MARCHF4: variants seen among roughly 807,000 people sequenced by gnomAD.
The protein encoded by MARCHF4 is membrane associated ring-CH-type finger 4.
In MARCHF4, 14 loss-of-function variants were observed where a neutral mutation model predicts 43.9. The ratio of observed to expected loss-of-function variants is 0.32; its 90% CI spans 0.21 to 0.50. The LOEUF (loss-of-function observed/expected upper bound fraction) is 0.50, where lower values mean the gene tolerates loss of function less well. Ranked by LOEUF, MARCHF4 falls within the 20% of genes least tolerant of loss-of-function variation. MARCHF4 has a pLI of 0.98. For missense variants in MARCHF4, 468 were observed against 536.7 expected, an observed-to-expected ratio of 0.87 and a Z score of 1.27; for synonymous variants, 226 against 213.3, an observed-to-expected ratio of 1.06 and a Z score of -0.52.
intron 1 of MARCHF4, among the ~76,000 whole-genome samples, chr2:216,354,907 C>CTTTCTTTCTTTG (rs1692462773): frequency 1.5e-5 from 1 of 68,186 alleles, no homozygotes; most frequent in South Asian, 6.5e-4. Flanking sequence ...TTCTTTCTTT[C>CTTTCTTTCTTTG]TTTCTTTCTT....
At chr2:216,264,405 C>T (rs529902102) in intron 3 of MARCHF4, among the ~76,000 whole-genome samples, 2 of 152,184 alleles carry the variant, frequency 1.3e-5, no homozygotes, top group Non-Finnish European at 2.9e-5. Flanking sequence ...ACTCTCTCAC[C>T]CTCTCCCAGT....
intron 2 of MARCHF4, among the ~76,000 whole-genome samples, chr2:216,281,450 G>A (rs1372720463): frequency 6.6e-6 from 1 of 152,182 alleles, no homozygotes; most frequent in Non-Finnish European, 1.5e-5. Flanking sequence ...TGATAGCAGA[G>A]GCAGGCCTGG....
intron 2 of MARCHF4, 73 bp from the exon 3 acceptor site, chr2:216,277,937 C>T (rs1039034151): frequency 8.7e-6 from 12 of 1,379,370 alleles, no homozygotes; most frequent in Non-Finnish European, 1.1e-5. Context: ...CTTCTGTCTG[C>T]TGCTCCAACA....
At chr2:216,259,714 A>C in intron 3 of MARCHF4, 35 bp from the exon 4 acceptor site, 3 of 1,598,200 alleles carry the variant, frequency 1.9e-6, no homozygotes, top group Non-Finnish European at 2.6e-6. Context: ...CAGAGGCCAA[A>C]TGAGAGGAAG....
At chr2:216,278,293 G>A (rs1392204102) in intron 2 of MARCHF4, among the ~76,000 whole-genome samples, 1 of 152,056 alleles carries the variant, frequency 6.6e-6, no homozygotes, top group Admixed American at 6.6e-5. Flanking sequence ...GCACGATCTC[G>A]GCTCATTGCA....
chr2:216,349,615 G>A (rs1692367577), intron 1 of MARCHF4, among the ~76,000 whole-genome samples: 1 of 152,196 alleles, frequency 6.6e-6, no homozygotes, highest in African/African-American at 2.4e-5. Context: ...GCTAGGGCTT[G>A]GAGGAGGCTG....
chr2:216,278,432 A>G (rs447120), intron 2 of MARCHF4, among the ~76,000 whole-genome samples: 3,894 of 152,112 alleles, frequency 0.026, 142 homozygotes, highest in African/African-American at 0.089. Context: ...TCACTGTGTT[A>G]GCCAGGATGG....
intron 1 of MARCHF4, among the ~76,000 whole-genome samples, chr2:216,309,835 A>G (rs1553517474): frequency 6.6e-6 from 1 of 150,492 alleles, no homozygotes; most frequent in African/African-American, 2.4e-5. Context: ...TTTTTTAATT[A>G]TTATTTTGCA....
chr2:216,274,740 C>T (rs922834267), intron 3 of MARCHF4, among the ~76,000 whole-genome samples: 2 of 152,142 alleles, frequency 1.3e-5, no homozygotes, highest in African/African-American at 2.4e-5. Context: ...CTATGAAAAC[C>T]CTGAACTGAG....
chr2:216,291,591 C>T (rs1422733399), intron 1 of MARCHF4, among the ~76,000 whole-genome samples: 1 of 152,160 alleles, frequency 6.6e-6, no homozygotes, highest in Non-Finnish European at 1.5e-5. Flanking sequence ...ACAGTAAGCT[C>T]TCAGTAAATG....
chr2:216,355,769 C>A (rs565315481), intron 1 of MARCHF4, among the ~76,000 whole-genome samples: 1 of 152,344 alleles, frequency 6.6e-6, no homozygotes, highest in Non-Finnish European at 1.5e-5. Context: ...CTCCCTGGAA[C>A]AAAGATGCAC....
chr2:216,259,769 G>A (rs1690711974), intron 3 of MARCHF4, 90 bp from the exon 4 acceptor site: 2 of 1,337,736 alleles, frequency 1.5e-6, no homozygotes, highest in East Asian at 2.3e-5. Context: ...TCTATGCAAG[G>A]TATGGGCAAT....
At chr2:216,266,362 G>A (rs1342869225) in intron 3 of MARCHF4, among the ~76,000 whole-genome samples, 1 of 152,114 alleles carries the variant, frequency 6.6e-6, no homozygotes, top group Non-Finnish European at 1.5e-5. Flanking sequence ...AATGCCACAT[G>A]ATATTGATTA....
chr2:216,369,117 A>G (rs953270337), intron 1 of MARCHF4, among the ~76,000 whole-genome samples: 2 of 152,222 alleles, frequency 1.3e-5, no homozygotes, highest in Non-Finnish European at 2.9e-5. Context: ...TGTTTTCAAC[A>G]TAGAAAAATT....
chr2:216,275,922 C>T (rs765834913), intron 3 of MARCHF4, among the ~76,000 whole-genome samples: 1 of 152,202 alleles, frequency 6.6e-6, no homozygotes, highest in Non-Finnish European at 1.5e-5. Context: ...AGTCCCTGCT[C>T]CGTTAGCCTG....
chr2:216,287,850 T>A (rs558546075), intron 1 of MARCHF4, among the ~76,000 whole-genome samples: 1 of 151,928 alleles, frequency 6.6e-6, no homozygotes, highest in Non-Finnish European at 1.5e-5. Flanking sequence ...TGTTTTTGAG[T>A]GTCTGTTCAC....
chr2:216,316,250 T>C (rs991055228), intron 1 of MARCHF4, among the ~76,000 whole-genome samples: 1 of 152,194 alleles, frequency 6.6e-6, no homozygotes, highest in Non-Finnish European at 1.5e-5. Flanking sequence ...AAAGGTCACT[T>C]GTCCTGATAG....
At position 216,275,861 on chromosome 2, in the gene MARCHF4, A is replaced by G. The variant is rs971369275; in HGVS notation, c.865+1811T>C. Among the ~76,000 whole-genome samples the G allele has an allele frequency of 3.3e-5, 5 of 152,176 alleles. No individual in the cohort carries two copies. In the Middle Eastern group the frequency reaches 0.014, roughly 414 times the overall value. On this transcript the variant is annotated intron_variant, in intron 3 of 3. Coordinates refer to ENST00000273067, the MANE Select transcript of MARCHF4 (RefSeq NM_020814.3). The stretch of plus-strand genomic sequence containing the variant: ...GTTTTGAGATGCATTGCAAGTTTCC[A>G]CCAAGCCCCCTTGTGCTCCTGCATT...
At chr2:216,312,535 A>G in intron 1 of MARCHF4, among the ~76,000 whole-genome samples, 1 of 152,112 alleles carries the variant, frequency 6.6e-6, no homozygotes, top group East Asian at 1.9e-4. Context: ...CCTTTTCTCC[A>G]TATCCATGCC....
Sources: gnomAD v4.1 joint callset for allele counts (sites outside exome capture counted in the v4.1 genomes callset) on GRCh38, gnomAD v4.1.1 for gene constraint, MANE v1.5 for transcripts, NCBI Gene and HGNC (gene_info 2026-07-23, HGNC 2026-07-21) for gene names.